The following DLGAP2 variants were observed in gnomAD, a reference collection of about 807,000 sequenced individuals.
DLGAP2 encodes DLG associated protein 2.
In DLGAP2, 26 loss-of-function variants were observed where a neutral mutation model predicts 100.3. The observed-to-expected ratio is 0.26, with a 90% CI of 0.19 to 0.36. DLGAP2 has a LOEUF of 0.36. Among genes scored for constraint, DLGAP2 ranks in the 10% least tolerant of loss-of-function variants. The probability of loss-of-function intolerance (pLI) is 1.00; values close to 1 mark genes in which losing one functional copy is unlikely to be tolerated. For missense variants in DLGAP2, 1,858 were observed against 1,453.2 expected (o/e 1.28, Z -4.53); for synonymous variants, 886 against 630.1 (o/e 1.41, Z -6.08).
chr8:1,134,573 T>C (rs1796364964), intron 2 of DLGAP2, among the ~76,000 whole-genome samples: 1 of 152,250 alleles, frequency 6.6e-6, no homozygotes, highest in Non-Finnish European at 1.5e-5. Flanking sequence ...ATTAATAATG[T>C]AAGCAATGTA....
chr8:756,909 G>T (rs574189973), intron 1 of DLGAP2, among the ~76,000 whole-genome samples: 1 of 152,140 alleles, frequency 6.6e-6, no homozygotes, highest in African/African-American at 2.4e-5. Context: ...TTTCTGTTGC[G>T]TTTTGGCAGA....
chr8:1,504,399 G>A (rs1799830176), intron 4 of DLGAP2, among the ~76,000 whole-genome samples: 1 of 152,126 alleles, frequency 6.6e-6, no homozygotes, highest in Non-Finnish European at 1.5e-5. Context: ...TCATCACCTT[G>A]TGCTTTTAAG....
intron 2 of DLGAP2, among the ~76,000 whole-genome samples, chr8:916,450 C>G (rs994023765): frequency 2.0e-5 from 3 of 152,172 alleles, no homozygotes; most frequent in East Asian, 1.9e-4. Flanking sequence ...ACCACATGTT[C>G]TCACTGATAA....
At chr8:1,151,018 T>G (rs542806392) in intron 2 of DLGAP2, among the ~76,000 whole-genome samples, 2 of 152,324 alleles carry the variant, frequency 1.3e-5, no homozygotes, top group East Asian at 3.9e-4. Flanking sequence ...TATGTAATCG[T>G]TATGCTTTGT....
intron 1 of DLGAP2, among the ~76,000 whole-genome samples, chr8:832,151 C>G (rs1170422722): frequency 6.6e-6 from 1 of 152,152 alleles, no homozygotes; most frequent in Non-Finnish European, 1.5e-5. Context: ...AGTTTTCTCA[C>G]ATTCTGTAGG....
At chr8:818,443 C>T (rs1010829952) in intron 1 of DLGAP2, among the ~76,000 whole-genome samples, 2 of 152,184 alleles carry the variant, frequency 1.3e-5, no homozygotes, top group Non-Finnish European at 2.9e-5. Context: ...CACGAACCTC[C>T]CCATTGAGAA....
chr8:1,428,911 G>A (rs1797322077), intron 3 of DLGAP2, among the ~76,000 whole-genome samples: 1 of 152,186 alleles, frequency 6.6e-6, no homozygotes, highest in South Asian at 2.1e-4. Flanking sequence ...GCCCTGCTTG[G>A]CTATCTAGGG....
chr8:1,325,399 T>G (rs567072459), intron 3 of DLGAP2, among the ~76,000 whole-genome samples: 1 of 152,342 alleles, frequency 6.6e-6, no homozygotes, highest in Admixed American at 6.5e-5. Context: ...CCCTGGTCCC[T>G]GGGTGTGGTC....
At chr8:1,548,192 G>A (rs1392263301) in intron 4 of DLGAP2, among the ~76,000 whole-genome samples, 2 of 152,190 alleles carry the variant, frequency 1.3e-5, no homozygotes, top group South Asian at 4.2e-4. Context: ...GGGTGTCCTG[G>A]CTCATATCTG....
At chr8:1,332,684 G>C (rs1055343881) in intron 3 of DLGAP2, among the ~76,000 whole-genome samples, 1 of 152,146 alleles carries the variant, frequency 6.6e-6, no homozygotes, top group Non-Finnish European at 1.5e-5. Context: ...CTGCAGCCGC[G>C]AGGAGCACTC....
chr8:930,381 A>G (rs1439059817), intron 2 of DLGAP2, among the ~76,000 whole-genome samples: 1 of 152,236 alleles, frequency 6.6e-6, no homozygotes, highest in Admixed American at 6.5e-5. Flanking sequence ...AGAGACAGTA[A>G]CATGAACGAA....
rs1563073493 is a variant in DLGAP2 at position 1,703,835 on chromosome 8, G to A, written c.*2429G>A. The A allele has an allele frequency of 6.6e-6, 1 of 152,536 alleles. No homozygotes were observed. The highest frequency in any genetic ancestry group is 1.5e-5 in the Non-Finnish European group (1 of 68,034). The allele number at this position is 152,536 out of a possible 1,614,324, so 9.4% of individuals were successfully genotyped here. A position where few individuals can be genotyped will look rare whatever the true frequency, so the allele number is the denominator to read the frequency against. On this transcript the variant is annotated 3_prime_UTR_variant, in exon 15 of 15. Transcript: ENST00000637795. ...AGTCTTGGCCTAAACCATCCCTAGG[G>A]GAGCAGATTAACCTACCACTACATT...
intron 3 of DLGAP2, among the ~76,000 whole-genome samples, chr8:1,322,887 T>A (rs1264221671): frequency 6.6e-6 from 1 of 152,232 alleles, no homozygotes; most frequent in African/African-American, 2.4e-5. Flanking sequence ...ATTATTATAA[T>A]CATTGTGTAC....
Position 1,699,832 on chromosome 8 carries a change from T to G in DLGAP2, c.2950-1356T>G, listed in dbSNP as rs117234541. The stretch of plus-strand genomic sequence containing the variant: ...ACACCCACAGGCCTGGAAGCTCCTT[T>G]GATTGGGGAACCCCCACAGGAAATA... On this transcript the variant is annotated intron_variant, in intron 14 of 14. Coordinates refer to ENST00000637795, the MANE Select transcript of DLGAP2 (RefSeq NM_001346810.2). 5.2e-3 allele frequency among the ~76,000 whole-genome samples: 798 copies of G among 152,300 alleles called. 17 individuals are homozygous for G. The East Asian group carries it at 0.063, about 12-fold the overall frequency.
intron 8 of DLGAP2, among the ~76,000 whole-genome samples, chr8:1,640,014 C>T (rs187175658): frequency 6.6e-6 from 1 of 152,302 alleles, no homozygotes; most frequent in East Asian, 1.9e-4. Context: ...GACTAGGATG[C>T]GGACATTTTT....
intron 3 of DLGAP2, among the ~76,000 whole-genome samples, chr8:1,264,640 A>G (rs1420509834): frequency 2.6e-5 from 4 of 152,138 alleles, no homozygotes; most frequent in Non-Finnish European, 5.9e-5. Context: ...AACTATGTAC[A>G]CAGAATTCTT....
chr8:1,653,918 T>C (rs147221961), intron 8 of DLGAP2, among the ~76,000 whole-genome samples: 5 of 152,268 alleles, frequency 3.3e-5, no homozygotes, highest in East Asian at 3.9e-4. Context: ...TCAGTTGCCT[T>C]TGCTTTATTG....
At chr8:1,454,665 C>T (rs1798254584) in intron 3 of DLGAP2, among the ~76,000 whole-genome samples, 1 of 152,140 alleles carries the variant, frequency 6.6e-6, no homozygotes, top group African/African-American at 2.4e-5. Context: ...ACTCAAAGGA[C>T]ATTTTTGACT....
At chr8:1,501,210 C>T (rs1421395826) in intron 3 of DLGAP2, among the ~76,000 whole-genome samples, 156 bp from the exon 4 acceptor site, 2 of 152,122 alleles carry the variant, frequency 1.3e-5, no homozygotes, top group African/African-American at 2.4e-5. Context: ...GTTATTGGCA[C>T]AAAATGCTGG....
Sources: gnomAD v4.1 joint callset for allele counts (sites outside exome capture counted in the v4.1 genomes callset) on GRCh38, gnomAD v4.1.1 for gene constraint, MANE v1.5 for transcripts, NCBI Gene and HGNC (gene_info 2026-07-23, HGNC 2026-07-21) for gene names.